Variants in CHRNA3 observed in about 807,000 individuals in gnomAD.
The protein encoded by CHRNA3 is cholinergic receptor nicotinic alpha 3 subunit.
In CHRNA3, 34 loss-of-function variants were observed where a neutral mutation model predicts 41.9. The observed-to-expected ratio is 0.81, with a 90% CI of 0.62 to 1.08. CHRNA3 has a LOEUF of 1.08. Ranked by LOEUF, CHRNA3 falls within the 50% of genes least tolerant of loss-of-function variation. The pLI is 0.00. For synonymous variants in CHRNA3, 281 were observed against 265.2 expected (o/e 1.06, Z -0.58); for missense variants, 542 against 638.3 (o/e 0.85, Z 1.63).
At position 78,595,366 on chromosome 15, in the gene CHRNA3, A is replaced by AGTCT. The variant is rs2053086459; in HGVS notation, c.*1234_*1237dup. On this transcript the variant is annotated 3_prime_UTR_variant, in exon 6 of 6. Coordinates refer to ENST00000326828, the MANE Select transcript of CHRNA3 (RefSeq NM_000743.5). ...AAAACTAGTGAGACAAGATTCAAAC[A>AGTCT]GTCTCTGTGAATCATCTGTCAGTGG... is the stretch of plus-strand genomic sequence containing the variant. The AGTCT allele has an allele frequency of 1.4e-6, 1 of 706,096 alleles. No individual in the cohort carries two copies. The highest frequency in any genetic ancestry group is 1.6e-6 in the Non-Finnish European group (1 of 619,646). The allele number at this position is 706,096 out of a possible 1,614,324, so 43.7% of individuals were successfully genotyped here. A position where few individuals can be genotyped will look rare whatever the true frequency, so the allele number is the denominator to read the frequency against.
intron 4 of CHRNA3, among the ~76,000 whole-genome samples, chr15:78,603,027 ATTTTTC>A (rs956021457): frequency 2.6e-5 from 4 of 151,910 alleles, no homozygotes; most frequent in Admixed American, 6.6e-5. Flanking sequence ...AGAAATAGAC[ATTTTTC>A]TTTTTCTTTG....
In CHRNA3 at chr15:78,601,396, T is replaced by C. The variant is rs772871397; in HGVS notation, c.1246A>G (p.Ser416Gly). 1.2e-5 allele frequency: 20 copies of C among 1,614,194 alleles called. No homozygotes were observed. Among genetic ancestry groups the C allele is most frequent in the Non-Finnish European group, 1.7e-5 (20 of 1,180,038 alleles). Reference sequence around the variant, plus strand: ...CTAGAGCTTCTCGTGAGGTTAGCACTGAAATTGGAGATTTTTATCCTGCGG... The same window carrying C: ...CTAGAGCTTCTCGTGAGGTTAGCACCGAAATTGGAGATTTTTATCCTGCGG... Reference protein sequence around the residue: ...HHRRIKISNFSANLTRSSSSE... With the variant: ...HHRRIKISNFGANLTRSSSSE... Residue 416 changes from serine (S) to glycine (G), a missense_variant, in exon 5 of 6, where the codon AGT becomes GGT. By Grantham distance (56) the Ser-to-Gly change is moderately conservative. Coordinates refer to ENST00000326828, the MANE Select transcript of CHRNA3 (RefSeq NM_000743.5).
chr15:78,620,577 C>A (rs150588551), intron 1 of CHRNA3, 136 bp downstream of exon 1: 6 of 1,342,632 alleles, frequency 4.5e-6, no homozygotes, highest in Admixed American at 7.8e-5. Context: ...AGCCAGTCTG[C>A]GCGGGTTCCG....
intron 4 of CHRNA3, among the ~76,000 whole-genome samples, chr15:78,615,064 C>CGATG (rs1567090189): frequency 2.0e-5 from 3 of 151,972 alleles, no homozygotes; most frequent in African/African-American, 7.3e-5. Flanking sequence ...CAGCTTCTCT[C>CGATG]GATGGCAGGA....
At chr15:78,597,148 T>G (rs547376179) in intron 5 of CHRNA3, among the ~76,000 whole-genome samples, 78 of 152,330 alleles carry the variant, frequency 5.1e-4, no homozygotes, top group African/African-American at 1.8e-3. Flanking sequence ...AGATATAAAT[T>G]TGGCGCAGTG....
intron 5 of CHRNA3, chr15:78,599,843 C>T (rs1316234839): frequency 1.4e-5 from 2 of 140,970 alleles, no homozygotes; most frequent in African/African-American, 5.3e-5. Flanking sequence ...TGGCAAAATC[C>T]CCTCTCTATT....
At chr15:78,616,357 C>A (rs903199720) in intron 4 of CHRNA3, among the ~76,000 whole-genome samples, 9 of 122,336 alleles carry the variant, frequency 7.4e-5, no homozygotes, top group Non-Finnish European at 1.2e-4. Context: ...TCTTCCCCCC[C>A]CCACCCCCCC....
intron 4 of CHRNA3, among the ~76,000 whole-genome samples, chr15:78,602,590 G>A (rs1025746722): frequency 6.6e-6 from 1 of 152,152 alleles, no homozygotes; most frequent in Admixed American, 6.5e-5. Flanking sequence ...AAAGAAATGG[G>A]AGGAAGGTCA....
chr15:78,597,938 T>A (rs943842030), intron 5 of CHRNA3, among the ~76,000 whole-genome samples: 2 of 152,152 alleles, frequency 1.3e-5, no homozygotes, highest in Non-Finnish European at 2.9e-5. Context: ...CTGTCATAGG[T>A]AAAATTAGAA....
At chr15:78,604,026 T>C (rs1259083881) in intron 4 of CHRNA3, among the ~76,000 whole-genome samples, 1 of 152,142 alleles carries the variant, frequency 6.6e-6, no homozygotes, top group Non-Finnish European at 1.5e-5. Context: ...AGAGGCCTCC[T>C]GAACCAATTC....
downstream of CHRNA3, chr15:78,593,641 T>C (rs1004719792): frequency 6.3e-6 from 1 of 158,028 alleles, no homozygotes; most frequent in South Asian, 1.9e-4. Context: ...ATGTAAACTT[T>C]CCTGTACTCA....
chr15:78,620,589 G>A, intron 1 of CHRNA3, 124 bp downstream of exon 1: 1 of 1,362,568 alleles, frequency 7.3e-7, no homozygotes, highest in Non-Finnish European at 9.4e-7. Flanking sequence ...CGGGTTCCGA[G>A]TCCCCGGCGA....
Position 78,620,912 on chromosome 15 carries a change from G to C in CHRNA3, c.-118C>G, listed in dbSNP as rs981563414. On this transcript the variant is annotated 5_prime_UTR_variant, in exon 1 of 6. Transcript: ENST00000326828. Reference sequence around the variant, plus strand: ...CCCCAGACCTGGAGCCGTGCGGGCGGAGACGCGCGGGGCTCCTCTCCGCTT... The same window carrying C: ...CCCCAGACCTGGAGCCGTGCGGGCGCAGACGCGCGGGGCTCCTCTCCGCTT... 8.2e-7 allele frequency: 1 copy of C among 1,213,726 alleles called. No individual in the cohort carries two copies. Among genetic ancestry groups the C allele is most frequent in the African/African-American group, 1.6e-5 (1 of 62,990 alleles). 75.2% of individuals were successfully genotyped at this position (1,213,726 alleles called of 1,614,324 possible).
In CHRNA3 at chr15:78,601,896, A is replaced by T; in HGVS notation, c.746T>A (p.Ile249Asn). The T allele has an allele frequency of 6.2e-7, 1 of 1,614,072 alleles. No homozygotes were observed. The highest frequency in any genetic ancestry group is 8.5e-7 in the Non-Finnish European group (1 of 1,179,996). Residue 249 changes from isoleucine (I) to asparagine (N), a missense_variant, in exon 5 of 6, where the codon ATC (isoleucine) becomes AAC (asparagine). Ile to Asn is a moderately radical substitution (Grantham distance 149). Coordinates refer to ENST00000326828, the MANE Select transcript of CHRNA3 (RefSeq NM_000743.5). ...RLPLFYTINL[I>N]IPCLLISFLT... Reference sequence around the variant, plus strand: ...GAAGGAGATGAGCAGGCAGGGGATGATGAGGTTGATGGTGTAGAACAAGGG... The same window carrying T: ...GAAGGAGATGAGCAGGCAGGGGATGTTGAGGTTGATGGTGTAGAACAAGGG...
At chr15:78,600,315 T>A (rs2053178299) in intron 5 of CHRNA3, among the ~76,000 whole-genome samples, 1 of 152,098 alleles carries the variant, frequency 6.6e-6, no homozygotes, top group South Asian at 2.1e-4. Flanking sequence ...TCTCAAGCCA[T>A]CCACCTGCCT....
chr15:78,618,256 C>T (rs77482200), intron 3 of CHRNA3: 2 of 249,208 alleles, frequency 8.0e-6, no homozygotes, highest in South Asian at 1.3e-4. Flanking sequence ...GGAAAAAAAA[C>T]TGAGTTTTTA....
Position 78,613,564 on chromosome 15 carries a change from C to G in CHRNA3, c.377+3460G>C, listed in dbSNP as rs1162770497. 4.0e-5 allele frequency among the ~76,000 whole-genome samples: 4 copies of G among 100,522 alleles called. No homozygotes were observed. In the Admixed American group the frequency reaches 5.5e-4, roughly 14 times the overall value. The allele number at this position is 100,522 out of a possible 152,430, so 65.9% of individuals were successfully genotyped here. On this transcript the variant is annotated intron_variant, in intron 4 of 5. Coordinates refer to ENST00000326828, the MANE Select transcript of CHRNA3 (RefSeq NM_000743.5). ...GAAGGGGAACATCACACACCAGGGACTGTTGTGGGGTGGGGGGAGGGGGGA... is the reference window on the plus strand; with the variant it reads ...GAAGGGGAACATCACACACCAGGGAGTGTTGTGGGGTGGGGGGAGGGGGGA...
At chr15:78,612,793 T>A (rs2053399730) in intron 4 of CHRNA3, among the ~76,000 whole-genome samples, 1 of 140,696 alleles carries the variant, frequency 7.1e-6, no homozygotes, top group African/African-American at 2.8e-5. Context: ...ACCTACAAAA[T>A]GGGAGAAAAT....
At chr15:78,605,947 C>A (rs1227448922) in intron 4 of CHRNA3, among the ~76,000 whole-genome samples, 1 of 152,054 alleles carries the variant, frequency 6.6e-6, no homozygotes, top group Non-Finnish European at 1.5e-5. Flanking sequence ...TTCTCCTATT[C>A]CCCCCAAGAA....
Sources: gnomAD v4.1 joint callset for allele counts (sites outside exome capture counted in the v4.1 genomes callset) on GRCh38, gnomAD v4.1.1 for gene constraint, MANE v1.5 for transcripts, NCBI Gene and HGNC (gene_info 2026-07-23, HGNC 2026-07-21) for gene names.